LRRC4: variants seen among roughly 807,000 people sequenced by gnomAD.
The protein encoded by LRRC4 is leucine-rich repeat-containing protein 4.
A neutral mutation model predicts 37.9 loss-of-function variants in LRRC4; 11 were observed. That is an observed-to-expected ratio of 0.29 (90% CI 0.18 to 0.48). The LOEUF (loss-of-function observed/expected upper bound fraction) is 0.48, where lower values mean the gene tolerates loss of function less well. Among genes scored for constraint, LRRC4 ranks in the 20% least tolerant of loss-of-function variants. The pLI, the probability that LRRC4 is intolerant of heterozygous loss-of-function variation, is 0.99. For missense variants in LRRC4, 717 were observed against 842.1 expected (o/e 0.85, Z 1.84); for synonymous variants, 404 against 346.7 (o/e 1.17, Z -1.84).
rs1371932471 is a variant in LRRC4, at chr7:128,030,672, G to A, written c.-32C>T. ...GCACGTTCATAATTCACCATCGCCT[G>A]GGATTTTGGCTCGGAAAGGAGAACC... is the stretch of plus-strand genomic sequence containing the variant. On this transcript the variant is annotated 5_prime_UTR_variant, in exon 2 of 2. Transcript: ENST00000249363. The A allele has an allele frequency of 6.6e-7, 1 of 1,523,826 alleles. No individual in the cohort carries two copies. Among genetic ancestry groups the A allele is most frequent in the East Asian group, 2.3e-5 (1 of 43,820 alleles). 94.4% of individuals were successfully genotyped at this position (1,523,826 alleles called of 1,614,324 possible). A position where few individuals can be genotyped will look rare whatever the true frequency, so the allele number is the denominator to read the frequency against.
chr7:128,030,811 T>A, intron 1 of LRRC4, 71 bp from the exon 2 acceptor site: 1 of 809,218 alleles, frequency 1.2e-6, no homozygotes, highest in Non-Finnish European at 1.9e-6. Context: ...CCTGCCAAAC[T>A]CGAGCGGCCC....
chr7:128,030,270 C>G lies in LRRC4; in HGVS notation c.371G>C (p.Ser124Thr). The G allele has an allele frequency of 6.2e-7, 1 of 1,614,130 alleles. No homozygotes were observed. Among genetic ancestry groups the G allele is most frequent in the Non-Finnish European group, 8.5e-7 (1 of 1,180,028 alleles). Residue 124 changes from serine to threonine, a missense_variant, in exon 2 of 2, where the codon AGC becomes ACC. Ser to Thr is a moderately conservative substitution (Grantham distance 58). Transcript: ENST00000249363. ...IEVGAFNGLASLNTLELFDNW... is the reference protein window; with the variant it reads ...IEVGAFNGLATLNTLELFDNW... ...GTCGAACAGCTCCAGGGTGTTGAGG[C>G]TGGCCAGGCCGTTGAAGGCCCCCAC...
rs1405096344 is a variant in LRRC4, at chr7:128,029,551, T to C, written c.1090A>G (p.Ile364Val). Residue 364 changes from isoleucine to valine, a missense_variant, in exon 2 of 2, where the codon ATT (isoleucine) becomes GTT (valine). Coordinates refer to ENST00000249363, the MANE Select transcript of LRRC4 (RefSeq NM_022143.5). The surrounding 1 kb of genome is among the most constrained non-coding windows in gnomAD (Gnocchi z 4.2). ...FIMDAPRDLN[I>V]SEGRMAELKC... Reference sequence around the variant, plus strand: ...AGTTCTGCCATCCGACCCTCAGAAATGTTGAGGTCTCGAGGTGCGTCCATG... The same window carrying C: ...AGTTCTGCCATCCGACCCTCAGAAACGTTGAGGTCTCGAGGTGCGTCCATG... 1.9e-6 allele frequency: 3 copies of C among 1,613,724 alleles called. No homozygotes were observed. The highest frequency in any genetic ancestry group is 1.1e-5 in the South Asian group (1 of 91,066).
At position 128,030,378 on chromosome 7, in the gene LRRC4, T is replaced by A. The variant is rs1451557362; in HGVS notation, c.263A>T (p.Gln88Leu). The A allele has an allele frequency of 1.7e-5, 28 of 1,613,848 alleles. No individual in the cohort carries two copies. The highest frequency in any genetic ancestry group is 2.3e-5 in the Non-Finnish European group (27 of 1,180,014). Residue 88 changes from glutamine (Q) to leucine (L), a missense_variant, in exon 2 of 2, where the codon CAG (glutamine) becomes CTG (leucine). Physicochemically the swap from Gln to Leu is moderately radical, Grantham distance 113. Around this residue, in one of 5 missense-constraint regions of LRRC4, gnomAD observed 127 missense variants for 134.8 expected, o/e 0.94. Coordinates refer to ENST00000249363, the MANE Select transcript of LRRC4 (RefSeq NM_022143.5). ...RYLNLMENNIQMIQADTFRHL... is the reference protein window; with the variant it reads ...RYLNLMENNILMIQADTFRHL... ...GCGGAAGGTGTCGGCCTGGATCATCTGGATGTTGTTCTCCATGAGGTTGAG... is the reference window on the plus strand; with the variant it reads ...GCGGAAGGTGTCGGCCTGGATCATCAGGATGTTGTTCTCCATGAGGTTGAG...
rs1365753292 is a variant in LRRC4, at chr7:128,031,035, G to C, written c.-223C>G. 6.5e-6 allele frequency: 1 copy of C among 152,684 alleles called. No individual in the cohort carries two copies. The highest frequency in any genetic ancestry group is 1.5e-5 in the Non-Finnish European group (1 of 68,586). The allele number at this position is 152,684 out of a possible 1,614,324, so 9.5% of individuals were successfully genotyped here. A position where few individuals can be genotyped will look rare whatever the true frequency, so the allele number is the denominator to read the frequency against. Reference sequence around the variant, plus strand: ...AACAAAAGGGGGAAGTGGTGGGGGCGGGGAGGGCAGAGGGGAGGGGAGGGG... The same window carrying C: ...AACAAAAGGGGGAAGTGGTGGGGGCCGGGAGGGCAGAGGGGAGGGGAGGGG... On this transcript the variant is annotated 5_prime_UTR_variant, in exon 1 of 2. Transcript: ENST00000249363.
In LRRC4 at chr7:128,030,093, T is replaced by C. The variant is rs1465679492; in HGVS notation, c.548A>G (p.Lys183Arg). The change falls in exon 2 of 2, where the codon AAG (lysine) becomes AGG (arginine). Residue 183 changes from lysine (K) to arginine (R), a missense_variant. Lys to Arg is a conservative substitution (Grantham distance 26, BLOSUM62 2). Coordinates refer to ENST00000249363, the MANE Select transcript of LRRC4 (RefSeq NM_022143.5). ...AGCTCCCTCAGAGATATACTCCAGC[T>C]TCTTGAGCTCCCCCAAGTCCAGGCG... ...LMRLDLGELK[K>R]LEYISEGAFE... 2 of 1,613,866 alleles carry C rather than the reference T, an allele frequency of 1.2e-6. No individual in the cohort carries two copies. Among genetic ancestry groups the C allele is most frequent in the East Asian group, 4.5e-5 (2 of 44,880 alleles).
At position 128,029,450 on chromosome 7, in the gene LRRC4, G is replaced by T. The variant is rs141815231; in HGVS notation, c.1191C>A (p.Arg397=). 150 of 1,614,088 alleles carry T rather than the reference G, an allele frequency of 9.3e-5. 1 individual carries two copies. The highest frequency in any genetic ancestry group is 1.2e-4 in the Non-Finnish European group (138 of 1,180,046). The part of the protein sequence containing the change: ...PNGTVLSHAS[R]HPRISVLNDG... ...CGTTGAGGACAGAGATCCTTGGGTG[G>T]CGGGAGGCGTGGCTGAGCACTGTCC... is the stretch of plus-strand genomic sequence containing the variant. Residue 397 remains arginine, a synonymous_variant, in exon 2 of 2, where the codon CGC becomes CGA. Transcript: ENST00000249363. This position sits in a 1 kb window ranked among gnomAD's most constrained non-coding sequence, Gnocchi z 4.2.
Position 128,029,304 on chromosome 7 carries a change from A to C in LRRC4, c.1337T>G (p.Leu446Arg). 1 of 1,614,132 alleles carries C rather than the reference A, an allele frequency of 6.2e-7. No homozygotes were observed. Among genetic ancestry groups the C allele is most frequent in the Non-Finnish European group, 8.5e-7 (1 of 1,180,022 alleles). ...GAAGAAGCTGTAGTTGGAGGTGTTA[A>C]GCTCAGCCGTGCTCACATTGAGGTA... The part of the protein sequence containing the change: ...SAYLNVSTAE[L>R]NTSNYSFFTT... Residue 446 changes from leucine (L) to arginine (R), a missense_variant, in exon 2 of 2, where the codon CTT (leucine) becomes CGT (arginine). By Grantham distance (102) the Leu-to-Arg change is moderately radical. Around this residue, in one of 5 missense-constraint regions of LRRC4, gnomAD observed 293 missense variants for 268.3 expected, o/e 1.09. Transcript: ENST00000249363. This position sits in a 1 kb window ranked among gnomAD's most constrained non-coding sequence, Gnocchi z 4.2.
In LRRC4 at chr7:128,027,838, T is replaced by G. The variant is rs1033614531; in HGVS notation, c.*841A>C. 4 of 149,826 alleles carry G rather than the reference T, an allele frequency of 2.7e-5. No individual in the cohort carries two copies. Among genetic ancestry groups the G allele is most frequent in the Admixed American group, 2.7e-4 (4 of 15,048 alleles). The allele number at this position is 149,826 out of a possible 1,614,324, so 9.3% of individuals were successfully genotyped here. On this transcript the variant is annotated 3_prime_UTR_variant, in exon 2 of 2. Transcript: ENST00000249363. ...CTGCTGCCGCACCCCTTCAGGGGCC[T>G]CCTCCTCCTGGGAAACCCTGAATAG...
At position 128,030,702 on chromosome 7, in the gene LRRC4, C is replaced by T. The variant is rs1043937950; in HGVS notation, c.-62G>A. The T allele has an allele frequency of 1.3e-6, 2 of 1,512,330 alleles. No homozygotes were observed. The highest frequency in any genetic ancestry group is 1.8e-6 in the Non-Finnish European group (2 of 1,127,872). 93.7% of individuals were successfully genotyped at this position (1,512,330 alleles called of 1,614,324 possible). Reference sequence around the variant, plus strand: ...TTTGGCTCGGAAAGGAGAACCAGCCCTACCCCGGCTTAAGTGAGCTAGGAG... The same window carrying T: ...TTTGGCTCGGAAAGGAGAACCAGCCTTACCCCGGCTTAAGTGAGCTAGGAG... On this transcript the variant is annotated 5_prime_UTR_variant, in exon 2 of 2. An upstream open reading frame in the 5' UTR loses its in-frame stop. Coordinates refer to ENST00000249363, the MANE Select transcript of LRRC4 (RefSeq NM_022143.5).
Position 128,029,650 on chromosome 7 carries a change from C to T in LRRC4, c.991G>A (p.Ala331Thr), listed in dbSNP as rs1035251670. The T allele has an allele frequency of 6.2e-7, 1 of 1,613,958 alleles. No individual in the cohort carries two copies. The highest frequency in any genetic ancestry group is 1.3e-5 in the African/African-American group (1 of 75,032). ...TNSTCCGRCH[A>T]PMHMRGRYLV... Reference sequence around the variant, plus strand: ...TAGCGGCCTCGCATGTGCATGGGAGCATGACAGCGGCCACAGCAGGTGGAA... The same window carrying T: ...TAGCGGCCTCGCATGTGCATGGGAGTATGACAGCGGCCACAGCAGGTGGAA... The change falls in exon 2 of 2, where the codon GCT becomes ACT. Residue 331 changes from alanine to threonine, a missense_variant. Physicochemically the swap from Ala to Thr is moderately conservative, Grantham distance 58 (BLOSUM62 0). Coordinates refer to ENST00000249363, the MANE Select transcript of LRRC4 (RefSeq NM_022143.5). The surrounding 1 kb of genome is among the most constrained non-coding windows in gnomAD (Gnocchi z 4.2).
chr7:128,028,853 T>G lies in LRRC4; in HGVS notation c.1788A>C (p.Val596=). ...TATGGTCATGAATTGTGGGCAGCACTACTGCCCCCTCACCTGATACACCGG... is the reference window on the plus strand; with the variant it reads ...TATGGTCATGAATTGTGGGCAGCACGACTGCCCCCTCACCTGATACACCGG... The part of the protein sequence containing the change: ...APSGVSGEGA[V]VLPTIHDHIN... The change falls in exon 2 of 2, where the codon GTA becomes GTC. Residue 596 remains valine, a synonymous_variant. Transcript: ENST00000249363. The G allele has an allele frequency of 6.2e-7, 1 of 1,614,208 alleles. No homozygotes were observed. Among genetic ancestry groups the G allele is most frequent in the Non-Finnish European group, 8.5e-7 (1 of 1,180,028 alleles).
chr7:128,029,875 G>C lies in LRRC4; in HGVS notation c.766C>G (p.Leu256Val). The change falls in exon 2 of 2, where the codon CTG (leucine) becomes GTG (valine). Residue 256 changes from leucine (L) to valine (V), a missense_variant. Around this residue, in one of 5 missense-constraint regions of LRRC4, gnomAD observed 138 missense variants for 261.0 expected, o/e 0.53. Coordinates refer to ENST00000249363, the MANE Select transcript of LRRC4 (RefSeq NM_022143.5). The surrounding 1 kb of genome is among the most constrained non-coding windows in gnomAD (Gnocchi z 4.2). ...KLWVMNSQVSLIERNAFDGLA... is the reference protein window; with the variant it reads ...KLWVMNSQVSVIERNAFDGLA... ...CCGTCAAAAGCATTCCGCTCAATCAGGCTGACCTGTGAGTTCATGACCCAG... is the reference window on the plus strand; with the variant it reads ...CCGTCAAAAGCATTCCGCTCAATCACGCTGACCTGTGAGTTCATGACCCAG... The C allele has an allele frequency of 6.2e-7, 1 of 1,613,390 alleles. No homozygotes were observed. The highest frequency in any genetic ancestry group is 8.5e-7 in the Non-Finnish European group (1 of 1,180,026).
At position 128,029,691 on chromosome 7, in the gene LRRC4, T is replaced by A; in HGVS notation, c.950A>T (p.Glu317Val). 1 of 1,613,850 alleles carries A rather than the reference T, an allele frequency of 6.2e-7. No homozygotes were observed. The highest frequency in any genetic ancestry group is 8.5e-7 in the Non-Finnish European group (1 of 1,180,002). The change falls in exon 2 of 2, where the codon GAG becomes GTG. Residue 317 changes from glutamate (E) to valine (V), a missense_variant. This residue lies in a region of LRRC4 where 293 missense variants were observed against 268.3 expected (regional missense o/e 1.09). Coordinates refer to ENST00000249363, the MANE Select transcript of LRRC4 (RefSeq NM_022143.5). This position sits in a 1 kb window ranked among gnomAD's most constrained non-coding sequence, Gnocchi z 4.2. ...GCAGGTGGAATTGGTGGGTATATACTCTCGAAGCCACCAGGCTAGCCACAG... is the reference window on the plus strand; with the variant it reads ...GCAGGTGGAATTGGTGGGTATATACACTCGAAGCCACCAGGCTAGCCACAG... Reference protein sequence around the residue: ...DILWLAWWLREYIPTNSTCCG... With the variant: ...DILWLAWWLRVYIPTNSTCCG...
At chr7:128,030,867 A>C (rs1584749988) in intron 1 of LRRC4, 46 bp downstream of exon 1, 6 of 485,112 alleles carry the variant, frequency 1.2e-5, no homozygotes, top group East Asian at 6.7e-5. Flanking sequence ...GAAAGCTACG[A>C]CTCTCCCACA....
Position 128,027,402 on chromosome 7 carries a change from AC to A in LRRC4, c.*1276del, listed in dbSNP as rs1205497360. On this transcript the variant is annotated 3_prime_UTR_variant, in exon 2 of 2. Coordinates refer to ENST00000249363, the MANE Select transcript of LRRC4 (RefSeq NM_022143.5). Reference sequence around the variant, plus strand: ...CATGTGTGCATGCGTGTCACTTGTAACTGTGGATCTCACAGCTTTTTTGTGA... The same window carrying A: ...CATGTGTGCATGCGTGTCACTTGTAATGTGGATCTCACAGCTTTTTTGTGA... 2 of 152,524 alleles carry A rather than the reference AC, an allele frequency of 1.3e-5. No individual in the cohort carries two copies. Among genetic ancestry groups the A allele is most frequent in the Non-Finnish European group, 2.9e-5 (2 of 68,036 alleles). 9.4% of individuals were successfully genotyped at this position (152,524 alleles called of 1,614,324 possible).
At position 128,028,741 on chromosome 7, in the gene LRRC4, T is replaced by C. The variant is rs377443896; in HGVS notation, c.1900A>G (p.Ile634Val). Residue 634 changes from isoleucine to valine, a missense_variant, in exon 2 of 2, where the codon ATC becomes GTC. Coordinates refer to ENST00000249363, the MANE Select transcript of LRRC4 (RefSeq NM_022143.5). ...GNSLHPTVTT[I>V]SEPYIIQTHT... ...GTCTGAATTATATAAGGTTCAGAGATAGTGGTGACTGTGGGGTGCAGAGAG... is the reference window on the plus strand; with the variant it reads ...GTCTGAATTATATAAGGTTCAGAGACAGTGGTGACTGTGGGGTGCAGAGAG... 70 of 1,614,150 alleles carry C rather than the reference T, an allele frequency of 4.3e-5. No individual in the cohort carries two copies. In the East Asian group the frequency reaches 8.2e-4, roughly 19 times the overall value.
intron 1 of LRRC4, 22 bp from the exon 2 acceptor site, chr7:128,030,762 G>C: frequency 7.8e-7 from 1 of 1,286,038 alleles, no homozygotes. Context: ...GGTGGGGAGG[G>C]GGCGATTAGA....
rs762325942 is a variant in LRRC4, at chr7:128,028,666, T to G, written c.*13A>C. Reference sequence around the variant, plus strand: ...ATTCTATTGCATTTTATAAGTTTTTTGGGGGAGGGGAGTCATATTTGAGTT... The same window carrying G: ...ATTCTATTGCATTTTATAAGTTTTTGGGGGGAGGGGAGTCATATTTGAGTT... On this transcript the variant is annotated 3_prime_UTR_variant, in exon 2 of 2. Coordinates refer to ENST00000249363, the MANE Select transcript of LRRC4 (RefSeq NM_022143.5). 91 of 1,596,376 alleles carry G rather than the reference T, an allele frequency of 5.7e-5. No homozygotes were observed. Among genetic ancestry groups the G allele is most frequent in the Non-Finnish European group, 2.1e-5 (25 of 1,170,986 alleles).
Sources: allele counts gnomAD v4.1 joint callset, GRCh38; gene constraint gnomAD v4.1.1; regional missense constraint gnomAD v4.1.1; non-coding constraint Gnocchi (gnomAD v3.1); transcripts MANE v1.5; gene names NCBI Gene and HGNC (gene_info 2026-07-23, HGNC 2026-07-21).